Variants in LAMA3 observed in about 807,000 individuals in gnomAD.
The protein encoded by LAMA3 is laminin subunit alpha-3.
A neutral mutation model predicts 402.0 loss-of-function variants in LAMA3; 281 were observed. That is an observed-to-expected ratio of 0.70 (90% CI 0.63 to 0.77). LAMA3 has a LOEUF of 0.77. LAMA3 is among the 30% of genes least tolerant of loss of function. The pLI, the probability that LAMA3 is intolerant of heterozygous loss-of-function variation, is 0.00. For missense variants in LAMA3, 3,840 were observed against 4,215.5 expected (o/e 0.91, Z 2.47); for synonymous variants, 1,431 against 1,558.4 (o/e 0.92, Z 1.93).
intron 32 of LAMA3, among the ~76,000 whole-genome samples, chr18:23,848,985 C>T (rs912720728): frequency 6.6e-6 from 1 of 152,164 alleles, no homozygotes; most frequent in Admixed American, 6.5e-5. Flanking sequence ...TGGCGTTTCC[C>T]TCTCTGTACG....
intron 2 of LAMA3, among the ~76,000 whole-genome samples, chr18:23,737,037 C>T (rs1218176383): frequency 6.6e-6 from 1 of 151,984 alleles, no homozygotes; most frequent in Non-Finnish European, 1.5e-5. Flanking sequence ...CACCACTAGT[C>T]CCCTCCTCCA....
chr18:23,817,117 G>T (rs1452128524), intron 18 of LAMA3, among the ~76,000 whole-genome samples: 3 of 152,196 alleles, frequency 2.0e-5, no homozygotes, highest in Non-Finnish European at 4.4e-5. Context: ...AAGTGGGGAA[G>T]AAGTACTTTG....
intron 23 of LAMA3, among the ~76,000 whole-genome samples, chr18:23,828,552 A>G (rs1298719084): frequency 6.6e-6 from 1 of 152,138 alleles, no homozygotes; most frequent in Middle Eastern, 3.2e-3. Flanking sequence ...CATAAAATGC[A>G]CATACACGTA....
At chr18:23,797,233 G>C (rs1248508305) in intron 12 of LAMA3, among the ~76,000 whole-genome samples, 2 of 152,062 alleles carry the variant, frequency 1.3e-5, no homozygotes, top group East Asian at 3.9e-4. Flanking sequence ...GTCTGTGATG[G>C]CCTTCCTTGT....
At chr18:23,810,531 G>T (rs765701585) in intron 13 of LAMA3, 28 bp downstream of exon 13, 4 of 1,613,250 alleles carry the variant, frequency 2.5e-6, no homozygotes, top group African/African-American at 1.3e-5. Flanking sequence ...TTGCTAGAGG[G>T]CTGGTTCCTC....
At chr18:23,736,971 T>C (rs889904133) in intron 2 of LAMA3, among the ~76,000 whole-genome samples, 3 of 152,148 alleles carry the variant, frequency 2.0e-5, no homozygotes, top group Non-Finnish European at 4.4e-5. Flanking sequence ...TAGAAGTAGC[T>C]GGATTGTTTT....
At chr18:23,810,228 C>A in intron 12 of LAMA3, 138 bp from the exon 13 acceptor site, 1 of 991,360 alleles carries the variant, frequency 1.0e-6, no homozygotes, top group Non-Finnish European at 1.6e-6. Context: ...TTTCAGGTTC[C>A]CGATCTCATA....
chr18:23,802,253 C>T (rs978519547), intron 12 of LAMA3, among the ~76,000 whole-genome samples: 3 of 152,180 alleles, frequency 2.0e-5, no homozygotes, highest in African/African-American at 7.2e-5. Context: ...CCCAGCATTT[C>T]GGATAAGGGA....
intron 11 of LAMA3, among the ~76,000 whole-genome samples, chr18:23,782,662 A>G (rs1319059240): frequency 6.6e-6 from 1 of 152,206 alleles, no homozygotes; most frequent in African/African-American, 2.4e-5. Context: ...TGCTTTTAAA[A>G]TCATTCTCAA....
intron 42 of LAMA3, among the ~76,000 whole-genome samples, chr18:23,891,935 G>A (rs1313137030): frequency 6.6e-6 from 1 of 152,210 alleles, no homozygotes; most frequent in African/African-American, 2.4e-5. Flanking sequence ...GTAAGACTCT[G>A]AAGGGATGTG....
At chr18:23,705,282 A>T (rs1391747185) in intron 1 of LAMA3, among the ~76,000 whole-genome samples, 1 of 152,026 alleles carries the variant, frequency 6.6e-6, no homozygotes, top group African/African-American at 2.4e-5. Context: ...TGCTTTATTT[A>T]TTTATGGGTG....
chr18:23,918,622 G>A lies in LAMA3; in HGVS notation c.7923+1927G>A, dbSNP rs1030127333. On this transcript the variant is annotated intron_variant, in intron 60 of 74. Transcript: ENST00000313654. This position sits in a 1 kb window ranked among gnomAD's most constrained non-coding sequence, Gnocchi z 4.1. ...TGACACTCTACAAGTGATCGTCAGC[G>A]CCATCTGCTGGTTGATGGAGAGTTG... Among the ~76,000 whole-genome samples, 1 of 152,178 alleles carries A rather than the reference G, an allele frequency of 6.6e-6. No individual in the cohort carries two copies. Among genetic ancestry groups the A allele is most frequent in the Admixed American group, 6.5e-5 (1 of 15,270 alleles).
chr18:23,710,014 T>C, intron 1 of LAMA3: 3 of 758,422 alleles, frequency 4.0e-6, no homozygotes, highest in Non-Finnish European at 7.1e-6. Context: ...AGTGTGTTGC[T>C]GTCTTCTATC....
intron 11 of LAMA3, chr18:23,781,137 T>A: frequency 3.2e-5 from 10 of 311,942 alleles, no homozygotes; most frequent in South Asian, 2.5e-4. Flanking sequence ...TGAGCCTCAA[T>A]GCCAAGGTAA....
At chr18:23,893,590 G>A (rs1273542421) in intron 42 of LAMA3, among the ~76,000 whole-genome samples, 3 of 151,730 alleles carry the variant, frequency 2.0e-5, no homozygotes, top group Admixed American at 6.6e-5. Flanking sequence ...CCTCCCCACC[G>A]GCCAAAAAAA....
intron 44 of LAMA3, among the ~76,000 whole-genome samples, chr18:23,896,541 T>A (rs1232359171): frequency 6.6e-6 from 1 of 152,142 alleles, no homozygotes; most frequent in Non-Finnish European, 1.5e-5. Flanking sequence ...TTTGGGTGAA[T>A]GCTGTATGTA....
chr18:23,712,714 C>T (rs1456699367), intron 1 of LAMA3, among the ~76,000 whole-genome samples: 2 of 149,352 alleles, frequency 1.3e-5, no homozygotes, highest in African/African-American at 2.5e-5. Flanking sequence ...CATGTGGTCA[C>T]ACCTTTGGTT....
chr18:23,804,710 G>T (rs973914029), intron 12 of LAMA3, among the ~76,000 whole-genome samples: 26 of 152,250 alleles, frequency 1.7e-4, no homozygotes, highest in Middle Eastern at 3.4e-3. Context: ...GTTGTAGGTG[G>T]GGCCTGGTGG....
At position 23,908,458 on chromosome 18, in the gene LAMA3, A is replaced by G. The variant is rs193214124; in HGVS notation, c.7015+523A>G. 2.4e-3 allele frequency among the ~76,000 whole-genome samples: 337 copies of G among 140,664 alleles called. 2 individuals are homozygous for G. Among genetic ancestry groups the G allele is most frequent in the African/African-American group, 8.6e-3 (329 of 38,178 alleles). The allele number at this position is 140,664 out of a possible 152,430, so 92.3% of individuals were successfully genotyped here. ...GGCAGGAGAATGGCGTGATCCTGGG[A>G]GGTGGAGGTTGCAGTGAGCTGAAAT... is the stretch of plus-strand genomic sequence containing the variant. On this transcript the variant is annotated intron_variant, in intron 54 of 74. Transcript: ENST00000313654.
Sources: gnomAD v4.1 joint callset for allele counts (sites outside exome capture counted in the v4.1 genomes callset) on GRCh38, gnomAD v4.1.1 for gene constraint, Gnocchi (gnomAD v3.1) non-coding constraint, MANE v1.5 for transcripts, NCBI Gene and HGNC (gene_info 2026-07-23, HGNC 2026-07-21) for gene names.